Variants in ANKH observed in about 807,000 individuals in gnomAD.
The protein encoded by ANKH is mineralization regulator ANKH.
Under a neutral mutation model 49.0 loss-of-function variants are expected in ANKH, and 15 were observed. That is an observed-to-expected ratio of 0.31 (90% CI 0.20 to 0.47). The LOEUF (loss-of-function observed/expected upper bound fraction) is 0.47, where lower values mean the gene tolerates loss of function less well. ANKH is among the 20% of genes least tolerant of loss of function. The probability of loss-of-function intolerance (pLI) is 1.00; values close to 1 mark genes in which losing one functional copy is unlikely to be tolerated. For missense variants in ANKH, 429 were observed against 652.0 expected (o/e 0.66, Z 3.72); for synonymous variants, 273 against 260.0 (o/e 1.05, Z -0.48).
At chr5:14,834,593 C>A (rs945362528) in intron 1 of ANKH, among the ~76,000 whole-genome samples, 10 of 152,042 alleles carry the variant, frequency 6.6e-5, no homozygotes, top group Non-Finnish European at 1.5e-4. Context: ...CCAGCCTGGC[C>A]AACATGGTGA....
In ANKH at chr5:14,737,893, T is replaced by C. The variant is rs1048203118; in HGVS notation, c.1011+3934A>G. Among the ~76,000 whole-genome samples, 1 of 152,178 alleles carries C rather than the reference T, an allele frequency of 6.6e-6. No homozygotes were observed. The highest frequency in any genetic ancestry group is 2.4e-5 in the African/African-American group (1 of 41,452). On this transcript the variant is annotated intron_variant, in intron 8 of 11. Coordinates refer to ENST00000284268, the MANE Select transcript of ANKH (RefSeq NM_054027.6). The surrounding 1 kb of genome is among the most constrained non-coding windows in gnomAD (Gnocchi z 5.0). ...TTTTGGATCAACTAAAGGTACCCCC[T>C]TTCTCATCCTCATGCCCATCAGATG...
chr5:14,772,705 C>T (rs1014445237), intron 1 of ANKH, among the ~76,000 whole-genome samples: 1 of 152,230 alleles, frequency 6.6e-6, no homozygotes, highest in Non-Finnish European at 1.5e-5. Context: ...ACAATTTACC[C>T]AATTAATTCC....
chr5:14,863,801 T>C lies in ANKH; in HGVS notation c.96+7551A>G, dbSNP rs114820976. On this transcript the variant is annotated intron_variant, in intron 1 of 11. Transcript: ENST00000284268. ...TGCTCTCTCCTCCTCCCACCCAACA[T>C]AACCTGCTCCATTGTCCCAAACCAA... 2.1e-3 allele frequency among the ~76,000 whole-genome samples: 319 copies of C among 152,274 alleles called. 2 individuals carry two copies. The highest frequency in any genetic ancestry group is 3.4e-3 in the Non-Finnish European group (234 of 68,008).
rs553448161 is a variant in ANKH, at chr5:14,796,187, A to G, written c.97-26996T>C. 3.3e-5 allele frequency among the ~76,000 whole-genome samples: 5 copies of G among 151,854 alleles called. No homozygotes were observed. In the South Asian group the frequency reaches 1.0e-3, roughly 32 times the overall value. ...AAATGTGTTTTTTTTTTTAATGTAG[A>G]AAAGCAATTTATTCCATTTTAAGCA... On this transcript the variant is annotated intron_variant, in intron 1 of 11. Transcript: ENST00000284268.
intron 1 of ANKH, among the ~76,000 whole-genome samples, chr5:14,836,510 C>T (rs1741658612): frequency 6.6e-6 from 1 of 152,184 alleles, no homozygotes; most frequent in South Asian, 2.1e-4. Context: ...AGTGAACTCC[C>T]ATTCACAATT....
intron 8 of ANKH, among the ~76,000 whole-genome samples, chr5:14,724,310 T>G (rs1737757701): frequency 8.6e-6 from 1 of 116,224 alleles, no homozygotes; most frequent in Non-Finnish European, 1.9e-5. Flanking sequence ...AGAGTGAAAC[T>G]CTGTCTCAAA....
At chr5:14,759,988 G>A (rs1359310925) in intron 2 of ANKH, among the ~76,000 whole-genome samples, 1 of 152,134 alleles carries the variant, frequency 6.6e-6, no homozygotes, top group Non-Finnish European at 1.5e-5. Context: ...TATTAGAGGT[G>A]GGAGTAAGTG....
intron 1 of ANKH, 104 bp downstream of exon 1, chr5:14,871,248 G>A (rs1194328730): frequency 1.3e-5 from 13 of 995,666 alleles, no homozygotes; most frequent in Non-Finnish European, 2.0e-5. Flanking sequence ...AAATGTTTCA[G>A]GATAAAGAGG....
rs538557407 is a variant in ANKH, at chr5:14,787,716, G to C, written c.97-18525C>G. Reference sequence around the variant, plus strand: ...CCAAGGAAGCACCCGGCAAAGCAAAGGCTGACAGGTCACTGGCGTGCTTTG... The same window carrying C: ...CCAAGGAAGCACCCGGCAAAGCAAACGCTGACAGGTCACTGGCGTGCTTTG... On this transcript the variant is annotated intron_variant, in intron 1 of 11. Coordinates refer to ENST00000284268, the MANE Select transcript of ANKH (RefSeq NM_054027.6). Among the ~76,000 whole-genome samples, 7 of 152,366 alleles carry C rather than the reference G, an allele frequency of 4.6e-5. No individual in the cohort carries two copies. The South Asian group carries it at 8.3e-4, about 18-fold the overall frequency.
intron 8 of ANKH, among the ~76,000 whole-genome samples, chr5:14,717,992 G>A (rs7712783): frequency 0.025 from 3,756 of 152,230 alleles, 137 homozygotes; most frequent in African/African-American, 0.086. Flanking sequence ...TGCATGTTCG[G>A]GCTTCTTTCC....
chr5:14,729,200 C>T (rs537631441), intron 8 of ANKH, among the ~76,000 whole-genome samples: 6 of 152,094 alleles, frequency 3.9e-5, no homozygotes, highest in South Asian at 2.1e-4. Flanking sequence ...ATTACAGGCA[C>T]GTGCCACCAT....
chr5:14,848,536 T>C lies in ANKH; in HGVS notation c.96+22816A>G, dbSNP rs1202931590. ...GCTTTTGCTCGCCGTCCGGCACTGA[T>C]CACCGCCATCGCAGACCCGCCGCTG... On this transcript the variant is annotated intron_variant, in intron 1 of 11. Transcript: ENST00000284268. 6.6e-5 allele frequency among the ~76,000 whole-genome samples: 10 copies of C among 152,316 alleles called. No homozygotes were observed. The East Asian group carries it at 1.9e-3, about 29-fold the overall frequency.
rs386403087 is a variant in ANKH, at chr5:14,847,005, C to CAAAAAAAA, written c.96+24339_96+24346dup. 1.6e-4 allele frequency among the ~76,000 whole-genome samples: 18 copies of CAAAAAAAA among 110,336 alleles called. 1 individual carries two copies. The highest frequency in any genetic ancestry group is 5.8e-4 in the Admixed American group (6 of 10,306). 72.4% of individuals were successfully genotyped at this position (110,336 alleles called of 152,430 possible). A position where few individuals can be genotyped will look rare whatever the true frequency, so the allele number is the denominator to read the frequency against. On this transcript the variant is annotated intron_variant, in intron 1 of 11. Transcript: ENST00000284268. ...CCTGGGAAACAGTGTAAGACTGCCTCAAAAAAAAAAAAAAAAACAATGAAA... is the reference window on the plus strand; with the variant it reads ...CCTGGGAAACAGTGTAAGACTGCCTCAAAAAAAAAAAAAAAAAAAAAAAAACAATGAAA...
Position 14,783,075 on chromosome 5 carries a change from C to T in ANKH, c.97-13884G>A, listed in dbSNP as rs570355508. Among the ~76,000 whole-genome samples the T allele has an allele frequency of 2.4e-3, 367 of 152,222 alleles. 4 individuals are homozygous for T. The highest frequency in any genetic ancestry group is 8.4e-3 in the African/African-American group (350 of 41,516). Reference sequence around the variant, plus strand: ...ACTATTGGTATTTATGTAACTGGCACGCATCAAGTTTTGTGAATGAGTTCT... The same window carrying T: ...ACTATTGGTATTTATGTAACTGGCATGCATCAAGTTTTGTGAATGAGTTCT... On this transcript the variant is annotated intron_variant, in intron 1 of 11. Transcript: ENST00000284268.
intron 1 of ANKH, among the ~76,000 whole-genome samples, chr5:14,779,448 C>T (rs566302182): frequency 1.3e-5 from 2 of 152,308 alleles, no homozygotes; most frequent in South Asian, 2.1e-4. Flanking sequence ...ACTCTGTTAT[C>T]GCCCTCGTCA....
chr5:14,809,335 T>TAAAAAAAAAAAAAAAAA (rs36119317), intron 1 of ANKH, among the ~76,000 whole-genome samples: 28 of 80,812 alleles, frequency 3.5e-4, no homozygotes, highest in Non-Finnish European at 5.2e-4. Context: ...TAGAGTATAA[T>TAAAAAAAAAAAAAAAAA]AAAAAAAAAA....
At chr5:14,747,648 C>A (rs1473150243) in intron 6 of ANKH, among the ~76,000 whole-genome samples, 4 of 152,224 alleles carry the variant, frequency 2.6e-5, no homozygotes, top group Admixed American at 1.3e-4. Context: ...AAACCTACAT[C>A]CTGGCAGTGT....
chr5:14,769,455 A>T (rs551608119), intron 1 of ANKH, among the ~76,000 whole-genome samples: 1 of 152,366 alleles, frequency 6.6e-6, no homozygotes, highest in Non-Finnish European at 1.5e-5. Context: ...TTATGCTAAT[A>T]TTGAAAAATA....
intron 8 of ANKH, among the ~76,000 whole-genome samples, chr5:14,735,665 T>A (rs1360151042): frequency 6.6e-6 from 1 of 152,162 alleles, no homozygotes; most frequent in East Asian, 1.9e-4. Context: ...TGGCTTCTGG[T>A]AGCTCCTGGG....
Sources: allele counts gnomAD v4.1 joint callset (sites outside exome capture counted in the v4.1 genomes callset), GRCh38; gene constraint gnomAD v4.1.1; non-coding constraint Gnocchi (gnomAD v3.1); transcripts MANE v1.5; gene names NCBI Gene and HGNC (gene_info 2026-07-23, HGNC 2026-07-21).